The following RPS6KA5 variants were observed in gnomAD, a reference collection of about 807,000 sequenced individuals.
RPS6KA5 encodes the protein ribosomal protein S6 kinase alpha-5.
A neutral mutation model predicts 85.5 loss-of-function variants in RPS6KA5; 27 were observed. The observed-to-expected ratio is 0.32, with a 90% CI of 0.23 to 0.44. The LOEUF (loss-of-function observed/expected upper bound fraction) is 0.44, where lower values mean the gene tolerates loss of function less well. RPS6KA5 is among the 20% of genes least tolerant of loss of function. RPS6KA5 has a pLI of 1.00. For synonymous variants in RPS6KA5, 334 were observed against 348.2 expected (o/e 0.96, Z 0.46); for missense variants, 811 against 980.9 (o/e 0.83, Z 2.31).
chr14:91,031,999 CA>C (rs1180015610), intron 1 of RPS6KA5, among the ~76,000 whole-genome samples: 1 of 152,094 alleles, frequency 6.6e-6, no homozygotes, highest in Non-Finnish European at 1.5e-5. Flanking sequence ...TAAAATTAAA[CA>C]AAGAATATTT....
chr14:90,964,227 T>C (rs1238185703), intron 3 of RPS6KA5, among the ~76,000 whole-genome samples: 2 of 152,192 alleles, frequency 1.3e-5, no homozygotes, highest in Non-Finnish European at 2.9e-5. Flanking sequence ...AGCAATCAAG[T>C]CGCATGGCTC....
At chr14:91,030,124 G>A (rs1273572145) in intron 1 of RPS6KA5, among the ~76,000 whole-genome samples, 1 of 152,180 alleles carries the variant, frequency 6.6e-6, no homozygotes, top group Non-Finnish European at 1.5e-5. Flanking sequence ...AGAAGCACCT[G>A]TAATCACCAA....
chr14:91,051,259 T>C (rs1345001877), intron 1 of RPS6KA5, among the ~76,000 whole-genome samples: 1 of 148,860 alleles, frequency 6.7e-6, no homozygotes, highest in East Asian at 2.0e-4. Flanking sequence ...AATAAATAAA[T>C]AAATAAATAA....
At chr14:90,889,422 A>T (rs1373420118) in intron 14 of RPS6KA5, among the ~76,000 whole-genome samples, 1 of 152,136 alleles carries the variant, frequency 6.6e-6, no homozygotes, top group Non-Finnish European at 1.5e-5. Context: ...ATGGGATATC[A>T]TTTCAGATGA....
At chr14:91,056,766 T>C (rs959418489) in intron 1 of RPS6KA5, among the ~76,000 whole-genome samples, 1 of 150,894 alleles carries the variant, frequency 6.6e-6, no homozygotes. Flanking sequence ...TTTGTTATTG[T>C]TGTTGAAGAT....
At chr14:91,030,973 C>T (rs2042166937) in intron 1 of RPS6KA5, among the ~76,000 whole-genome samples, 1 of 151,982 alleles carries the variant, frequency 6.6e-6, no homozygotes, top group Non-Finnish European at 1.5e-5. Flanking sequence ...AACAGAAGAA[C>T]CCAGAGGAGG....
chr14:90,915,582 G>A (rs557602453), intron 7 of RPS6KA5, among the ~76,000 whole-genome samples: 9 of 152,072 alleles, frequency 5.9e-5, no homozygotes, highest in South Asian at 2.1e-4. Context: ...TGAGGCAGGC[G>A]GATCACTTGA....
chr14:90,986,645 C>T (rs2040066418), intron 2 of RPS6KA5, among the ~76,000 whole-genome samples: 1 of 152,166 alleles, frequency 6.6e-6, no homozygotes, highest in South Asian at 2.1e-4. Flanking sequence ...GCCGGTGCAT[C>T]TATTCTCCAG....
chr14:91,033,779 AT>A (rs1427229734), intron 1 of RPS6KA5, among the ~76,000 whole-genome samples: 3 of 152,230 alleles, frequency 2.0e-5, no homozygotes, highest in Non-Finnish European at 2.9e-5. Context: ...GTAGGCATGT[AT>A]CTGAGAGAAA....
chr14:90,980,753 G>A (rs1238117719), intron 2 of RPS6KA5, among the ~76,000 whole-genome samples: 1 of 152,224 alleles, frequency 6.6e-6, no homozygotes, highest in Admixed American at 6.5e-5. Flanking sequence ...GGGAACCAGA[G>A]ATTAAATAGA....
rs1164752876 is a variant in RPS6KA5 at position 90,853,806 on chromosome 14, C to T, written c.*18268G>A. 1 of 152,014 alleles carries T rather than the reference C, an allele frequency of 6.6e-6. No individual in the cohort carries two copies. Among genetic ancestry groups the T allele is most frequent in the African/African-American group, 2.4e-5 (1 of 41,388 alleles). The allele number at this position is 152,014 out of a possible 1,614,324, so 9.4% of individuals were successfully genotyped here. ...ATTCCCTCTTAAAGCTGTATTAGGT[C>T]TTTAGGAAATCAATGTGGTGTTACT... On this transcript the variant is annotated 3_prime_UTR_variant, in exon 17 of 17. Coordinates refer to ENST00000614987, the MANE Select transcript of RPS6KA5 (RefSeq NM_004755.4).
At chr14:90,964,360 AT>A (rs1219232361) in intron 3 of RPS6KA5, among the ~76,000 whole-genome samples, 3 of 152,230 alleles carry the variant, frequency 2.0e-5, no homozygotes, top group East Asian at 3.8e-4. Flanking sequence ...ACTGAAAAAA[AT>A]AATATATAAA....
chr14:91,010,049 T>G (rs1181014814), intron 1 of RPS6KA5, among the ~76,000 whole-genome samples: 1 of 151,916 alleles, frequency 6.6e-6, no homozygotes, highest in Non-Finnish European at 1.5e-5. Flanking sequence ...TTTTTTTTTT[T>G]TTAAGAACCA....
intron 3 of RPS6KA5, among the ~76,000 whole-genome samples, chr14:90,954,521 C>G (rs1168535910): frequency 2.6e-5 from 4 of 152,202 alleles, no homozygotes; most frequent in African/African-American, 4.8e-5. Flanking sequence ...TCAAGTGATT[C>G]TCCTGCCTCA....
At chr14:91,019,398 A>G (rs1249617553) in intron 1 of RPS6KA5, among the ~76,000 whole-genome samples, 1 of 152,178 alleles carries the variant, frequency 6.6e-6, no homozygotes, top group East Asian at 1.9e-4. Context: ...CCTGAGCAAG[A>G]AAGAATTCTT....
intron 1 of RPS6KA5, among the ~76,000 whole-genome samples, chr14:91,042,382 C>T (rs187094046): frequency 7.0e-4 from 107 of 152,086 alleles, no homozygotes; most frequent in Non-Finnish European, 1.3e-3. Context: ...CTTGGTGGCA[C>T]GCGCCTGTAA....
At chr14:90,991,595 G>A (rs901070347) in intron 2 of RPS6KA5, among the ~76,000 whole-genome samples, 11 of 151,546 alleles carry the variant, frequency 7.3e-5, no homozygotes, top group Non-Finnish European at 1.0e-4. Context: ...CCAGTTACTC[G>A]GGAGGCTGAG....
intron 2 of RPS6KA5, among the ~76,000 whole-genome samples, chr14:90,990,987 A>T (rs1052317863): frequency 1.3e-5 from 2 of 152,182 alleles, no homozygotes; most frequent in African/African-American, 4.8e-5. Flanking sequence ...CAGGCAATTT[A>T]TTCAGGTAAC....
intron 2 of RPS6KA5, among the ~76,000 whole-genome samples, chr14:90,990,146 A>G (rs2040240310): frequency 6.6e-6 from 1 of 152,176 alleles, no homozygotes; most frequent in Admixed American, 6.6e-5. Flanking sequence ...GAAGGAAAAT[A>G]AAGTGGACTA....
Sources: gnomAD v4.1 joint callset for allele counts (sites outside exome capture counted in the v4.1 genomes callset) on GRCh38, gnomAD v4.1.1 for gene constraint, MANE v1.5 for transcripts, NCBI Gene and HGNC (gene_info 2026-07-23, HGNC 2026-07-21) for gene names.